PREX2: variants seen among roughly 807,000 people sequenced by gnomAD.
PREX2 encodes phosphatidylinositol 3,4,5-trisphosphate-dependent Rac exchanger 2 protein.
A neutral mutation model predicts 203.2 loss-of-function variants in PREX2; 107 were observed. The ratio of observed to expected loss-of-function variants is 0.53; its 90% CI spans 0.45 to 0.62. The LOEUF (loss-of-function observed/expected upper bound fraction) is 0.62. Among genes scored for constraint, PREX2 ranks in the 20% least tolerant of loss-of-function variants. The pLI, the probability that PREX2 is intolerant of heterozygous loss-of-function variation, is 0.00. For missense variants in PREX2, 1,777 were observed against 1,955.9 expected, an observed-to-expected ratio of 0.91 and a Z score of 1.72; for synonymous variants, 672 against 663.6, an observed-to-expected ratio of 1.01 and a Z score of -0.19.
At chr8:67,967,644 T>C (rs1320754094) in intron 1 of PREX2, among the ~76,000 whole-genome samples, 1 of 152,170 alleles carries the variant, frequency 6.6e-6, no homozygotes, top group Non-Finnish European at 1.5e-5. Flanking sequence ...GGGGTGGGAA[T>C]TGGAGATCTT....
chr8:68,157,959 A>G (rs1190076561), intron 35 of PREX2, among the ~76,000 whole-genome samples: 6 of 151,860 alleles, frequency 4.0e-5, no homozygotes, highest in African/African-American at 1.2e-4. Context: ...TGTTACTGGT[A>G]CAATGATAAA....
intron 34 of PREX2, among the ~76,000 whole-genome samples, chr8:68,149,162 A>C (rs1585829006): frequency 6.6e-6 from 1 of 152,224 alleles, no homozygotes; most frequent in Non-Finnish European, 1.5e-5. Context: ...ATATACTCAG[A>C]GTAGAACAGG....
At chr8:68,069,716 GT>G in intron 12 of PREX2, 118 bp from the exon 13 acceptor site, 1 of 525,534 alleles carries the variant, frequency 1.9e-6, no homozygotes, top group Non-Finnish European at 3.4e-6. Flanking sequence ...TTTTAAATTG[GT>G]TTAGATTTTG....
intron 1 of PREX2, among the ~76,000 whole-genome samples, chr8:67,998,171 T>G (rs138838054): frequency 7.2e-5 from 11 of 152,326 alleles, no homozygotes; most frequent in Non-Finnish European, 1.5e-4. Flanking sequence ...AGGAGTTTTC[T>G]TAGTGCCTTA....
At chr8:68,101,274 A>T in intron 23 of PREX2, 1 of 497,084 alleles carries the variant, frequency 2.0e-6, no homozygotes, top group Non-Finnish European at 4.0e-6. Flanking sequence ...AGGGACTCAC[A>T]ACATTGGTTA....
chr8:68,052,608 CTT>C (rs1261836084), intron 8 of PREX2, among the ~76,000 whole-genome samples: 1 of 152,084 alleles, frequency 6.6e-6, no homozygotes, highest in Non-Finnish European at 1.5e-5. Context: ...TAATTGCACT[CTT>C]TGTGTGTTCC....
At position 68,038,082 on chromosome 8, in the gene PREX2, A is replaced by G. The variant is rs78542155; in HGVS notation, c.706-77A>G. 2.7e-3 allele frequency: 3,955 copies of G among 1,459,292 alleles called. 64 individuals are homozygous for G. In the African/African-American group the frequency reaches 0.045, roughly 17 times the overall value. 90.4% of individuals were successfully genotyped at this position (1,459,292 alleles called of 1,614,324 possible). A position where few individuals can be genotyped will look rare whatever the true frequency, so the allele number is the denominator to read the frequency against. On this transcript the variant is annotated intron_variant, in intron 6 of 39. Transcript: ENST00000288368. ...GCTTCTTAAAATAAAAACAACCATAATTGTAAGTCGAAAAATAATTATTTA... is the reference window on the plus strand; with the variant it reads ...GCTTCTTAAAATAAAAACAACCATAGTTGTAAGTCGAAAAATAATTATTTA...
In PREX2 at chr8:68,222,317, G is replaced by A. The variant is rs368080416; in HGVS notation, c.4708-2242G>A. ...CAGACGAGAAAAGGAAGACAAGTCT[G>A]GAACATCTTGAGGTGCCAGAAAATA... On this transcript the variant is annotated intron_variant, in intron 38 of 39. Coordinates refer to ENST00000288368, the MANE Select transcript of PREX2 (RefSeq NM_024870.4). 2.8e-4 allele frequency among the ~76,000 whole-genome samples: 42 copies of A among 151,842 alleles called. 2 individuals carry two copies. The East Asian group carries it at 5.1e-3, about 18-fold the overall frequency.
At chr8:68,073,008 A>C (rs1442274592) in intron 14 of PREX2, among the ~76,000 whole-genome samples, 1 of 151,936 alleles carries the variant, frequency 6.6e-6, no homozygotes, top group African/African-American at 2.4e-5. Context: ...GCCTGTGTCC[A>C]TTTTAAAAAA....
At chr8:68,196,729 C>A (rs529806702) in intron 37 of PREX2, among the ~76,000 whole-genome samples, 2 of 151,146 alleles carry the variant, frequency 1.3e-5, no homozygotes, top group Non-Finnish European at 2.9e-5. Flanking sequence ...GCACCTCCCC[C>A]CCCCAACTCT....
intron 35 of PREX2, among the ~76,000 whole-genome samples, chr8:68,178,329 GATGGT>G (rs1812021844): frequency 6.6e-6 from 1 of 152,160 alleles, no homozygotes; most frequent in African/African-American, 2.4e-5. Flanking sequence ...ACTGGTATGA[GATGGT>G]ATCTCATTGT....
intron 9 of PREX2, among the ~76,000 whole-genome samples, chr8:68,054,192 C>A (rs1270020626): frequency 1.3e-5 from 2 of 152,128 alleles, no homozygotes; most frequent in African/African-American, 2.4e-5. Flanking sequence ...TCAAATACTC[C>A]TTTGGTTGAT....
chr8:68,208,550 T>A (rs181159894), intron 37 of PREX2, among the ~76,000 whole-genome samples: 44 of 152,306 alleles, frequency 2.9e-4, no homozygotes, highest in African/African-American at 1.0e-3. Context: ...TTCTAACACA[T>A]CTGTTTCATG....
intron 1 of PREX2, among the ~76,000 whole-genome samples, chr8:67,972,512 C>T (rs868061340): frequency 6.6e-6 from 1 of 152,110 alleles, no homozygotes; most frequent in African/African-American, 2.4e-5. Context: ...CTTTCAGACC[C>T]TTTTTTTAAG....
chr8:67,962,655 A>G lies in PREX2; in HGVS notation c.141+10120A>G, dbSNP rs182341409. Among the ~76,000 whole-genome samples, 518 of 151,220 alleles carry G rather than the reference A, an allele frequency of 3.4e-3. 5 individuals carry two copies. Among genetic ancestry groups the G allele is most frequent in the African/African-American group, 0.012 (489 of 41,276 alleles). On this transcript the variant is annotated intron_variant, in intron 1 of 39. Transcript: ENST00000288368. ...AGAGTCTTGCTCTGTTGCCCAGGCT[A>G]GAGTGCAGTGGCATGATCTCGGCTC...
chr8:68,144,950 T>C (rs1811296798), intron 33 of PREX2, among the ~76,000 whole-genome samples: 1 of 152,190 alleles, frequency 6.6e-6, no homozygotes, highest in African/African-American at 2.4e-5. Flanking sequence ...TTTGTTAGCA[T>C]AGAGGTTGCC....
chr8:68,170,928 A>G (rs1811863909), intron 35 of PREX2, among the ~76,000 whole-genome samples: 1 of 152,196 alleles, frequency 6.6e-6, no homozygotes, highest in Admixed American at 6.5e-5. Context: ...GCACAACTGC[A>G]TTTACATTTA....
chr8:68,121,343 C>T (rs550723766), intron 30 of PREX2, among the ~76,000 whole-genome samples: 1 of 151,124 alleles, frequency 6.6e-6, no homozygotes, highest in African/African-American at 2.4e-5. Context: ...TAAAAGGAGA[C>T]AATATCATAA....
chr8:68,161,902 G>A (rs1811662552), intron 35 of PREX2, among the ~76,000 whole-genome samples: 1 of 152,184 alleles, frequency 6.6e-6, no homozygotes, highest in Non-Finnish European at 1.5e-5. Flanking sequence ...TTGACTCACA[G>A]TTCCATATGG....
Sources: gnomAD v4.1 joint callset for allele counts (sites outside exome capture counted in the v4.1 genomes callset) on GRCh38, gnomAD v4.1.1 for gene constraint, MANE v1.5 for transcripts, NCBI Gene and HGNC (gene_info 2026-07-23, HGNC 2026-07-21) for gene names.